Variants in ELF2 observed in about 807,000 individuals in gnomAD.
ELF2 encodes the protein ETS-related transcription factor Elf-2.
ELF2 carries 11 observed loss-of-function variants against 54.8 expected under a neutral mutation model. The ratio of observed to expected loss-of-function variants is 0.20; its 90% CI spans 0.13 to 0.33. The LOEUF (loss-of-function observed/expected upper bound fraction) is 0.33, where lower values mean the gene tolerates loss of function less well. Among genes scored for constraint, ELF2 ranks in the 10% least tolerant of loss-of-function variants. ELF2 has a pLI of 1.00. For synonymous variants in ELF2, 203 were observed against 245.1 expected (o/e 0.83, Z 1.61); for missense variants, 513 against 703.0 (o/e 0.73, Z 3.06).
chr4:139,118,729 G>A (rs759908719), intron 4 of ELF2, among the ~76,000 whole-genome samples: 70 of 151,684 alleles, frequency 4.6e-4, no homozygotes, highest in Non-Finnish European at 7.2e-4. Context: ...GAAAACAAGA[G>A]ACATAAACAA....
At chr4:139,109,459 G>A (rs904330470) in intron 4 of ELF2, among the ~76,000 whole-genome samples, 3 of 152,122 alleles carry the variant, frequency 2.0e-5, no homozygotes, top group African/African-American at 7.2e-5. Flanking sequence ...TAACAAGCCA[G>A]GTGGTCCTGC....
Position 139,072,042 on chromosome 4 carries a change from A to G in ELF2, c.353-3T>C. On this transcript the variant is annotated splice_region_variant and splice_polypyrimidine_tract_variant and intron_variant, in intron 5 of 9. Coordinates refer to ENST00000686138, the MANE Select transcript of ELF2 (RefSeq NM_001331036.3). ...ACAAGGAGGAACAAACACTTCCACT[A>G]TAAAAAAAAGTTGAAAAATTAAAAT... The G allele has an allele frequency of 6.2e-7, 1 of 1,606,346 alleles. No individual in the cohort carries two copies. The highest frequency in any genetic ancestry group is 8.5e-7 in the Non-Finnish European group (1 of 1,178,396).
chr4:139,137,695 A>T lies in ELF2; in HGVS notation c.7T>A (p.Ser3Thr), dbSNP rs62623564. MT[S>T]AVVDSGGTIL... ...GTACCTCCACTGTCAACCACTGCTG[A>T]TGTCATTGTTATTCCCTGAGGAAGC... The change falls in exon 3 of 10, where the codon TCA becomes ACA. Residue 3 changes from serine (S) to threonine (T), a missense_variant. Physicochemically the swap from Ser to Thr is moderately conservative, Grantham distance 58. Transcript: ENST00000686138. 26,776 of 1,613,920 alleles carry T rather than the reference A, an allele frequency of 0.017. 533 individuals carry two copies. The highest frequency in any genetic ancestry group is 0.093 in the African/African-American group (7,013 of 75,042).
chr4:139,127,369 C>CATTGCTCACTGACTACTTGAAGACAT (rs1737027465), intron 3 of ELF2, among the ~76,000 whole-genome samples: 2 of 152,138 alleles, frequency 1.3e-5, no homozygotes, highest in Non-Finnish European at 1.5e-5. Context: ...AAACTCATGG[C>CATTGCTCACTGACTACTTGAAGACAT]ATTGCTCACT....
intron 3 of ELF2, among the ~76,000 whole-genome samples, chr4:139,127,439 T>C (rs544072595): frequency 1.3e-5 from 2 of 152,340 alleles, no homozygotes; most frequent in East Asian, 3.9e-4. Flanking sequence ...TATCTTCTCC[T>C]GGAAGCCTTC....
At chr4:139,088,431 C>T (rs755397840) in intron 4 of ELF2, among the ~76,000 whole-genome samples, 1 of 152,044 alleles carries the variant, frequency 6.6e-6, no homozygotes, top group Non-Finnish European at 1.5e-5. Flanking sequence ...CTGAAAAATT[C>T]TTCAAATGTC....
chr4:139,126,925 G>T (rs1204895145), intron 3 of ELF2, among the ~76,000 whole-genome samples: 1 of 152,204 alleles, frequency 6.6e-6, no homozygotes, highest in Non-Finnish European at 1.5e-5. Context: ...TCTTCAGGAA[G>T]ACTGTGAAGA....
chr4:139,115,474 A>G (rs62320535), intron 4 of ELF2: 882,685 of 894,380 alleles, frequency 0.99, 435,583 homozygotes, highest in Middle Eastern at 1. Flanking sequence ...CGGCGAGGGC[A>G]GCGGCGGGGG....
intron 1 of ELF2, among the ~76,000 whole-genome samples, chr4:139,144,124 G>T (rs976279121): frequency 1.3e-5 from 2 of 151,988 alleles, no homozygotes; most frequent in Non-Finnish European, 2.9e-5. Flanking sequence ...TGAAAGAAGG[G>T]GCAGGCTGCA....
At chr4:139,135,241 G>GTA (rs1738017165) in intron 3 of ELF2, among the ~76,000 whole-genome samples, 2 of 53,534 alleles carry the variant, frequency 3.7e-5, no homozygotes, top group Non-Finnish European at 8.0e-5. Context: ...ATATATATGT[G>GTA]TGTGTGTGTG....
chr4:139,085,310 G>GTCT (rs994003135), intron 4 of ELF2, among the ~76,000 whole-genome samples: 48 of 152,278 alleles, frequency 3.2e-4, no homozygotes, highest in Non-Finnish European at 2.5e-4. Context: ...TTATGCTAAA[G>GTCT]TTGTCTGCAC....
intron 1 of ELF2, chr4:139,155,582 A>G (rs1243823505): frequency 6.6e-6 from 1 of 152,182 alleles, no homozygotes; most frequent in Non-Finnish European, 1.5e-5. Context: ...GCATCTCTAC[A>G]AATAATAATA....
intron 1 of ELF2, among the ~76,000 whole-genome samples, chr4:139,165,806 T>G (rs1437189475): frequency 6.6e-6 from 1 of 152,256 alleles, no homozygotes; most frequent in East Asian, 1.9e-4. Context: ...TGGAAAGCAC[T>G]GACAAATAAG....
chr4:139,119,670 T>G (rs777216098), intron 4 of ELF2, among the ~76,000 whole-genome samples: 2 of 152,236 alleles, frequency 1.3e-5, no homozygotes, highest in Non-Finnish European at 2.9e-5. Flanking sequence ...TTTGCCTACA[T>G]GTTTGTAACT....
chr4:139,113,436 C>G (rs1256431819), intron 4 of ELF2, among the ~76,000 whole-genome samples: 2 of 152,130 alleles, frequency 1.3e-5, no homozygotes, highest in Non-Finnish European at 2.9e-5. Flanking sequence ...TGGTGGGTGC[C>G]TGTAATCCCA....
chr4:139,164,120 GAGAGAGAGAAAGAGAAAGA>G (rs1182505730), intron 1 of ELF2, among the ~76,000 whole-genome samples: 1 of 147,320 alleles, frequency 6.8e-6, no homozygotes, highest in African/African-American at 2.5e-5. Flanking sequence ...GGGAGGAAGG[GAGAGAGAGAAAGAGAAAGA>G]AGAGAGAGAA....
intron 4 of ELF2, among the ~76,000 whole-genome samples, chr4:139,098,320 G>T (rs1733500269): frequency 6.6e-6 from 1 of 152,050 alleles, no homozygotes; most frequent in Non-Finnish European, 1.5e-5. Flanking sequence ...GTAAGTTTAT[G>T]ATGATTTTGT....
chr4:139,067,116 TA>T (rs113589223), intron 7 of ELF2: 377 of 137,068 alleles, frequency 2.8e-3, no homozygotes, highest in Admixed American at 2.8e-3. Flanking sequence ...TACAAAAAAT[TA>T]AAAAAAAAAA....
chr4:139,167,119 T>C (rs1453178725), intron 1 of ELF2, among the ~76,000 whole-genome samples: 1 of 152,254 alleles, frequency 6.6e-6, no homozygotes, highest in Non-Finnish European at 1.5e-5. Flanking sequence ...AAACTATTCA[T>C]GAGTATTCTT....
Sources: gnomAD v4.1 joint callset for allele counts (sites outside exome capture counted in the v4.1 genomes callset) on GRCh38, gnomAD v4.1.1 for gene constraint, MANE v1.5 for transcripts, NCBI Gene and HGNC (gene_info 2026-07-23, HGNC 2026-07-21) for gene names.